The following ATP8A2 variants were observed in gnomAD, a reference collection of about 807,000 sequenced individuals.
ATP8A2 encodes the protein phospholipid-transporting ATPase IB.
A neutral mutation model predicts 165.6 loss-of-function variants in ATP8A2; 100 were observed. That is an observed-to-expected ratio of 0.60 (90% confidence interval 0.51 to 0.71). The LOEUF (loss-of-function observed/expected upper bound fraction) is 0.71, where lower values mean the gene tolerates loss of function less well. Among genes scored for constraint, ATP8A2 ranks in the 30% least tolerant of loss-of-function variants. The probability of loss-of-function intolerance (pLI) is 0.00; values close to 1 mark genes in which losing one functional copy is unlikely to be tolerated. For synonymous variants in ATP8A2, 543 were observed against 548.8 expected, an observed-to-expected ratio of 0.99 and a Z score of 0.15; for missense variants, 1,227 against 1,479.5, an observed-to-expected ratio of 0.83 and a Z score of 2.80.
chr13:25,705,134 CCT>C (rs1163415275), intron 25 of ATP8A2: 1 of 427,888 alleles, frequency 2.3e-6, no homozygotes, highest in African/African-American at 2.1e-5. Context: ...CTTTCTTCCC[CCT>C]TTCTCATTTT....
At chr13:25,558,147 C>T (rs1170797091) in intron 13 of ATP8A2, among the ~76,000 whole-genome samples, 2 of 152,180 alleles carry the variant, frequency 1.3e-5, no homozygotes, top group Admixed American at 1.3e-4. Flanking sequence ...GGTGATCCAC[C>T]CGCCTTGGCC....
intron 24 of ATP8A2, among the ~76,000 whole-genome samples, chr13:25,694,091 GT>G (rs1233868377): frequency 6.6e-6 from 1 of 151,158 alleles, no homozygotes; most frequent in African/African-American, 2.4e-5. Context: ...GGCCAAGCTA[GT>G]CCCTCTCCTC....
At chr13:25,524,319 A>G (rs2037765069) in intron 2 of ATP8A2, among the ~76,000 whole-genome samples, 1 of 152,194 alleles carries the variant, frequency 6.6e-6, no homozygotes. Context: ...ACCAATGAAA[A>G]GAAAATGCAT....
intron 33 of ATP8A2, among the ~76,000 whole-genome samples, chr13:25,912,531 G>A (rs1227956145): frequency 6.6e-6 from 1 of 152,068 alleles, no homozygotes; most frequent in Non-Finnish European, 1.5e-5. Flanking sequence ...ATCACTAAAA[G>A]TAAATTTCAA....
At chr13:25,993,946 C>T (rs1236351414) in intron 35 of ATP8A2, among the ~76,000 whole-genome samples, 2 of 152,136 alleles carry the variant, frequency 1.3e-5, no homozygotes, top group African/African-American at 2.4e-5. Context: ...CTTTACTATG[C>T]TGTGTTTTCC....
intron 24 of ATP8A2, among the ~76,000 whole-genome samples, chr13:25,686,808 G>A (rs774205274): frequency 1.3e-5 from 2 of 151,858 alleles, no homozygotes; most frequent in Non-Finnish European, 2.9e-5. Flanking sequence ...GAATGCCCAG[G>A]ATTCTGATGG....
At chr13:25,525,181 T>A (rs927754229) in intron 2 of ATP8A2, among the ~76,000 whole-genome samples, 1 of 152,072 alleles carries the variant, frequency 6.6e-6, no homozygotes, top group Non-Finnish European at 1.5e-5. Context: ...TAAAAAAACC[T>A]CTGTGTTTTA....
chr13:25,664,668 GA>G (rs1332769549), intron 24 of ATP8A2, among the ~76,000 whole-genome samples: 1 of 152,174 alleles, frequency 6.6e-6, no homozygotes, highest in Non-Finnish European at 1.5e-5. Context: ...CAGGTAGCCA[GA>G]AGGAGCCAGT....
At chr13:25,489,754 T>G (rs2036465879) in intron 2 of ATP8A2, among the ~76,000 whole-genome samples, 1 of 152,216 alleles carries the variant, frequency 6.6e-6, no homozygotes, top group Non-Finnish European at 1.5e-5. Context: ...AGAACCCCCA[T>G]GGTGATGTGC....
intron 24 of ATP8A2, among the ~76,000 whole-genome samples, chr13:25,602,648 A>G (rs1304414573): frequency 1.3e-5 from 2 of 152,136 alleles, no homozygotes. Flanking sequence ...GCTGGAGGGG[A>G]GAGTGAAGAG....
At chr13:25,745,083 G>A (rs2044001238) in intron 25 of ATP8A2, among the ~76,000 whole-genome samples, 1 of 152,138 alleles carries the variant, frequency 6.6e-6, no homozygotes, top group Admixed American at 6.6e-5. Flanking sequence ...TGGGACTACA[G>A]GCGCCTGCCA....
chr13:25,841,317 A>T (rs1330873821), intron 30 of ATP8A2, among the ~76,000 whole-genome samples: 3 of 152,250 alleles, frequency 2.0e-5, no homozygotes, highest in Non-Finnish European at 2.9e-5. Flanking sequence ...TTGGCAAATT[A>T]CCTGGCAGGC....
At chr13:25,405,513 G>A (rs1043053765) in intron 1 of ATP8A2, among the ~76,000 whole-genome samples, 10 of 152,062 alleles carry the variant, frequency 6.6e-5, no homozygotes, top group African/African-American at 1.4e-4. Flanking sequence ...ATCCTCCCTC[G>A]CTTCGGACCT....
chr13:25,591,820 T>C (rs916417901), intron 24 of ATP8A2, among the ~76,000 whole-genome samples: 3 of 152,260 alleles, frequency 2.0e-5, no homozygotes, highest in East Asian at 3.9e-4. Context: ...CTTTTGACTA[T>C]TGTGAATAGT....
intron 18 of ATP8A2, among the ~76,000 whole-genome samples, chr13:25,573,556 A>G (rs903046118): frequency 6.6e-6 from 1 of 152,328 alleles, no homozygotes; most frequent in Middle Eastern, 3.4e-3. Flanking sequence ...CTGCAGTACT[A>G]CCAAGTCAGG....
chr13:25,658,521 C>G (rs1186462398), intron 24 of ATP8A2, among the ~76,000 whole-genome samples: 1 of 152,102 alleles, frequency 6.6e-6, no homozygotes, highest in Non-Finnish European at 1.5e-5. Context: ...CACCTGTAAT[C>G]CCAGCTACTT....
intron 24 of ATP8A2, among the ~76,000 whole-genome samples, chr13:25,618,621 CTTTT>C (rs552403906): frequency 7.4e-6 from 1 of 135,948 alleles, no homozygotes; most frequent in Non-Finnish European, 1.6e-5. Context: ...TGGCAGTAAA[CTTTT>C]TTTTTTTTTA....
chr13:25,808,305 A>T (rs1340905466), intron 27 of ATP8A2, among the ~76,000 whole-genome samples: 1 of 151,960 alleles, frequency 6.6e-6, no homozygotes, highest in Non-Finnish European at 1.5e-5. Flanking sequence ...AAATGTTTAA[A>T]TTTTTTGTAG....
chr13:25,939,602 T>C (rs1017670034), intron 33 of ATP8A2, among the ~76,000 whole-genome samples: 1 of 152,200 alleles, frequency 6.6e-6, no homozygotes, highest in Admixed American at 6.5e-5. Flanking sequence ...TCTGTTACCA[T>C]GTCTTCATAC....
Sources: gnomAD v4.1 joint callset for allele counts (sites outside exome capture counted in the v4.1 genomes callset) on GRCh38, gnomAD v4.1.1 for gene constraint, MANE v1.5 for transcripts, NCBI Gene and HGNC (gene_info 2026-07-23, HGNC 2026-07-21) for gene names.